The following CFAP410 variants were observed in gnomAD, a reference collection of about 807,000 sequenced individuals.
CFAP410 encodes the protein cilia and flagella associated protein 410, also known as cilia- and flagella-associated protein 410.
CFAP410 carries 27 observed loss-of-function variants against 25.7 expected under a neutral mutation model. The ratio of observed to expected loss-of-function variants is 1.05; its 90% CI spans 0.77 to 1.45. The LOEUF (loss-of-function observed/expected upper bound fraction) is 1.45. CFAP410 is among the 40% of genes most tolerant of loss of function. CFAP410 has a pLI of 0.00. For missense variants in CFAP410, 428 were observed against 354.1 expected (o/e 1.21, Z -1.67); for synonymous variants, 178 against 158.4 (o/e 1.12, Z -0.93).
Position 44,333,978 on chromosome 21 carries a change from G to A in CFAP410, c.144-716C>T, listed in dbSNP as rs950571033. On this transcript the variant is annotated intron_variant, in intron 3 of 6. Transcript: ENST00000339818. ...GCCCCCATGGGCAGCCTGCCGTCCT[G>A]AGCCCCCCTCCCCATGCCATCCCTT... 1.3e-5 allele frequency: 5 copies of A among 399,450 alleles called. No homozygotes were observed. The Admixed American group carries it at 1.3e-4, about 10-fold the overall frequency. The allele number at this position is 399,450 out of a possible 1,614,324, so 24.7% of individuals were successfully genotyped here.
intron 3 of CFAP410, chr21:44,334,011 G>C (rs1000080593): frequency 7.0e-6 from 3 of 426,968 alleles, no homozygotes; most frequent in Admixed American, 4.8e-5. Context: ...CTTCACTCGG[G>C]GTTTCCCAGG....
intron 5 of CFAP410, chr21:44,331,209 C>T (rs775972013): frequency 6.1e-5 from 31 of 508,042 alleles, no homozygotes; most frequent in Middle Eastern, 5.0e-4. Flanking sequence ...GGGGGGCACC[C>T]GAACACACAA....
In CFAP410 at chr21:44,333,227, C is replaced by G. The variant is rs763314924; in HGVS notation, c.179G>C (p.Arg60Pro). 3 of 1,612,612 alleles carry G rather than the reference C, an allele frequency of 1.9e-6. No homozygotes were observed. The highest frequency in any genetic ancestry group is 1.7e-5 in the Admixed American group (1 of 59,988). ...GTACAGCTCACTCAGGCGCTGGCAC[C>G]GGCTCACAGGCTCCAGGGTGGAGAT... Reference protein sequence around the residue: ...NSISTLEPVSRCQRLSELYLR... With the variant: ...NSISTLEPVSPCQRLSELYLR... Residue 60 changes from arginine (R) to proline (P), a missense_variant, in exon 4 of 7, where the codon CGG becomes CCG. Arg to Pro is a moderately radical substitution (Grantham distance 103). Coordinates refer to ENST00000339818, the MANE Select transcript of CFAP410 (RefSeq NM_004928.3).
At chr21:44,334,179 C>T in intron 3 of CFAP410, 1 of 456,346 alleles carries the variant, frequency 2.2e-6, no homozygotes, top group Non-Finnish European at 4.4e-6. Flanking sequence ...CGCTCCAGTG[C>T]AGTCAGGCGT....
rs771681892 is a variant in CFAP410, at chr21:44,331,932, G to A, written c.456C>T (p.His152=). Residue 152 remains histidine, a synonymous_variant, in exon 5 of 7, where the codon CAC becomes CAT. Transcript: ENST00000339818. ...TAAPEREGTG[H]GGPKLCCTLS... ...GTGTGCAGCATAGCTTGGGGCCGCC[G>A]TGGCCTGTGCCCTCTCTCTCTGGGG... The A allele has an allele frequency of 2.1e-5, 34 of 1,613,346 alleles. No individual in the cohort carries two copies. In the East Asian group the frequency reaches 4.5e-4, roughly 21 times the overall value.
In CFAP410 at chr21:44,330,365, G is replaced by A. The variant is rs11552067; in HGVS notation, c.643-39C>T. ...GGTGCGGACTAAGCCCACCCGGCACGGCGAGGCTGCTTCCCTCCACAAGGG... is the reference window on the plus strand; with the variant it reads ...GGTGCGGACTAAGCCCACCCGGCACAGCGAGGCTGCTTCCCTCCACAAGGG... On this transcript the variant is annotated intron_variant, in intron 6 of 6. Coordinates refer to ENST00000339818, the MANE Select transcript of CFAP410 (RefSeq NM_004928.3). 888,104 of 1,589,142 alleles carry A rather than the reference G, an allele frequency of 0.56. 253,783 individuals carry two copies. The highest frequency in any genetic ancestry group is 0.64 in the South Asian group (57,230 of 89,624).
chr21:44,338,517 C>G (rs1480240609), intron 1 of CFAP410: 1 of 320,298 alleles, frequency 3.1e-6, no homozygotes, highest in Non-Finnish European at 6.4e-6. Flanking sequence ...ACGGCCGCCC[C>G]CAGTACTGAT....
rs1405941506 is a variant in CFAP410 at position 44,332,027 on chromosome 21, A to T, written c.374-13T>A. 1.9e-6 allele frequency: 3 copies of T among 1,585,742 alleles called. No individual in the cohort carries two copies. The highest frequency in any genetic ancestry group is 1.7e-6 in the Non-Finnish European group (2 of 1,163,840). On this transcript the variant is annotated splice_polypyrimidine_tract_variant and intron_variant, in intron 4 of 6. Transcript: ENST00000339818. ...TCCTCCGTCACAGCTTTGGGATGAA[A>T]GACAGAAGACAGCATGAGTGGCCTC...
At chr21:44,337,534 G>C in intron 2 of CFAP410, 115 bp downstream of exon 2, 2 of 848,068 alleles carry the variant, frequency 2.4e-6, no homozygotes, top group South Asian at 3.1e-5. Context: ...GGACTGAATT[G>C]ATAGGTGCAG....
Position 44,330,333 on chromosome 21 carries a change from G to A in CFAP410, c.643-7C>T, listed in dbSNP as rs2146054133. The A allele has an allele frequency of 6.2e-7, 1 of 1,608,230 alleles. No homozygotes were observed. The highest frequency in any genetic ancestry group is 8.5e-7 in the Non-Finnish European group (1 of 1,177,124). On this transcript the variant is annotated splice_polypyrimidine_tract_variant and splice_region_variant and intron_variant, in intron 6 of 6. Transcript: ENST00000339818. ...GGATGGCAGTCAGGACGTTCTGAGG[G>A]CAGAGGGGTGCGGACTAAGCCCACC...
chr21:44,331,032 C>T (rs1458106090), intron 5 of CFAP410, 113 bp from the exon 6 acceptor site: 4 of 965,154 alleles, frequency 4.1e-6, no homozygotes, highest in Non-Finnish European at 6.0e-6. Flanking sequence ...ATACAAATCC[C>T]ACCTGGCACA....
At chr21:44,337,202 C>G (rs896483000) in intron 2 of CFAP410, among the ~76,000 whole-genome samples, 2 of 152,146 alleles carry the variant, frequency 1.3e-5, no homozygotes, top group Admixed American at 1.3e-4. Context: ...GACGCACACA[C>G]TCAAGTTCTC....
In CFAP410 at chr21:44,329,892, A is replaced by G. The variant is rs1377922886; in HGVS notation, c.*306T>C. 1.5e-5 allele frequency: 5 copies of G among 344,470 alleles called. No individual in the cohort carries two copies. The allele number at this position is 344,470 out of a possible 1,614,324, so 21.3% of individuals were successfully genotyped here. On this transcript the variant is annotated 3_prime_UTR_variant, in exon 7 of 7. Transcript: ENST00000339818. ...CTTGGGAAACGTCACCTCCAGATCA[A>G]CCTTGGGAAAATCTTTTATTAGGGA...
At chr21:44,330,405 G>A (rs540247780) in intron 6 of CFAP410, 79 bp from the exon 7 acceptor site, 2 of 1,569,740 alleles carry the variant, frequency 1.3e-6, no homozygotes, top group Admixed American at 3.5e-5. Flanking sequence ...GGCCTGGCCA[G>A]CGGTGCCCCA....
intron 3 of CFAP410, chr21:44,333,821 C>G: frequency 2.9e-6 from 1 of 346,732 alleles, no homozygotes; most frequent in Non-Finnish European, 5.7e-6. Context: ...TACCCTGCAG[C>G]GTGGGGTCCG....
Position 44,339,098 on chromosome 21 carries a change from G to A in CFAP410, c.77+20C>T. ...CTCCTCCCCCCACCCCGGGGCGGCCGCGGCCAGGCCCCGCCTCACCAGCAG... is the reference window on the plus strand; with the variant it reads ...CTCCTCCCCCCACCCCGGGGCGGCCACGGCCAGGCCCCGCCTCACCAGCAG... On this transcript the variant is annotated intron_variant, in intron 1 of 6. Coordinates refer to ENST00000339818, the MANE Select transcript of CFAP410 (RefSeq NM_004928.3). The A allele has an allele frequency of 7.4e-7, 1 of 1,350,334 alleles. No homozygotes were observed. The highest frequency in any genetic ancestry group is 9.7e-7 in the Non-Finnish European group (1 of 1,028,848). 83.6% of individuals were successfully genotyped at this position (1,350,334 alleles called of 1,614,324 possible). A position where few individuals can be genotyped will look rare whatever the true frequency, so the allele number is the denominator to read the frequency against.
At chr21:44,331,171 C>T (rs2047641203) in intron 5 of CFAP410, 15 of 563,134 alleles carry the variant, frequency 2.7e-5, no homozygotes, top group East Asian at 2.0e-4. Flanking sequence ...GCTGTAACAC[C>T]TTCCACCCAG....
chr21:44,331,918 A>G lies in CFAP410; in HGVS notation c.470T>C (p.Leu157Pro), dbSNP rs750528434. Residue 157 changes from leucine (L) to proline (P), a missense_variant, in exon 5 of 7, where the codon CTA becomes CCA. Physicochemically the swap from Leu to Pro is moderately conservative, Grantham distance 98. Transcript: ENST00000339818. ...REGTGHGGPK[L>P]CCTLSSLSSA... ...GCTGAGGGAGCTCAGTGTGCAGCAT[A>G]GCTTGGGGCCGCCGTGGCCTGTGCC... is the stretch of plus-strand genomic sequence containing the variant. The G allele has an allele frequency of 6.2e-7, 1 of 1,613,224 alleles. No homozygotes were observed. The highest frequency in any genetic ancestry group is 2.2e-5 in the East Asian group (1 of 44,860).
Position 44,330,368 on chromosome 21 carries a change from G to A in CFAP410, c.643-42C>T, listed in dbSNP as rs775300297. The A allele has an allele frequency of 4.0e-5, 63 of 1,587,088 alleles. No individual in the cohort carries two copies. The East Asian group carries it at 6.5e-4, about 16-fold the overall frequency. ...GCGGACTAAGCCCACCCGGCACGGC[G>A]AGGCTGCTTCCCTCCACAAGGGCTG... On this transcript the variant is annotated intron_variant, in intron 6 of 6. Coordinates refer to ENST00000339818, the MANE Select transcript of CFAP410 (RefSeq NM_004928.3).
Sources: gnomAD v4.1 joint callset for allele counts (sites outside exome capture counted in the v4.1 genomes callset) on GRCh38, gnomAD v4.1.1 for gene constraint, MANE v1.5 for transcripts, NCBI Gene and HGNC (gene_info 2026-07-23, HGNC 2026-07-21) for gene names.